The following DNAJC5B variants were observed in gnomAD, a reference collection of about 807,000 sequenced individuals.
DNAJC5B encodes the protein dnaJ homolog subfamily C member 5B.
DNAJC5B carries 23 observed loss-of-function variants against 24.7 expected under a neutral mutation model. That is an observed-to-expected ratio of 0.93 (90% CI 0.67 to 1.32). The LOEUF (loss-of-function observed/expected upper bound fraction) is 1.32, where lower values mean the gene tolerates loss of function less well. Among genes scored for constraint, DNAJC5B ranks in the 40% most tolerant of loss-of-function variants. The pLI, the probability that DNAJC5B is intolerant of heterozygous loss-of-function variation, is 0.00. For synonymous variants in DNAJC5B, 101 were observed against 90.1 expected, an observed-to-expected ratio of 1.12 and a Z score of -0.68; for missense variants, 238 against 240.8, an observed-to-expected ratio of 0.99 and a Z score of 0.08.
At chr8:66,021,330 A>G (rs1037508901), upstream of DNAJC5B, among the ~76,000 whole-genome samples, 2 of 152,136 alleles carry the variant, frequency 1.3e-5, no homozygotes, top group Non-Finnish European at 2.9e-5. Flanking sequence ...AGGTCAGTTT[A>G]TGACCTGCAA....
chr8:66,045,888 C>T (rs1441594787), intron 2 of DNAJC5B, among the ~76,000 whole-genome samples: 2 of 152,198 alleles, frequency 1.3e-5, no homozygotes, highest in Non-Finnish European at 2.9e-5. Flanking sequence ...TGAATGCTAA[C>T]GTTAGGCTGC....
chr8:66,040,371 A>G (rs1563589784), intron 1 of DNAJC5B, among the ~76,000 whole-genome samples: 1 of 147,650 alleles, frequency 6.8e-6, no homozygotes, highest in East Asian at 1.9e-4. Flanking sequence ...GCTTGGCAAC[A>G]GAGTGAGACT....
At chr8:66,037,803 G>A (rs185795200) in intron 1 of DNAJC5B, among the ~76,000 whole-genome samples, 18 of 152,358 alleles carry the variant, frequency 1.2e-4, no homozygotes, top group Middle Eastern at 3.4e-3. Context: ...TTGGCTGTTT[G>A]TATGAAAGAG....
rs1806190289 is a variant in DNAJC5B, at chr8:66,023,633, G to A, written c.-142+1928G>A. Among the ~76,000 whole-genome samples, 4 of 152,116 alleles carry A rather than the reference G, an allele frequency of 2.6e-5. No homozygotes were observed. The South Asian group carries it at 8.3e-4, about 32-fold the overall frequency. On this transcript the variant is annotated intron_variant, in intron 1 of 5. Transcript: ENST00000276570. ...ATACTTTGTTTATGAATGTGTGTGT[G>A]TATACCCTTGAATGTACAGATGAGT...
upstream of DNAJC5B, among the ~76,000 whole-genome samples, chr8:66,018,015 T>C (rs1039154425): frequency 3.3e-5 from 5 of 152,218 alleles, no homozygotes; most frequent in Admixed American, 6.5e-5. Flanking sequence ...TTGGAAATGC[T>C]TTTAGAGCGT....
At position 66,043,540 on chromosome 8, in the gene DNAJC5B, T is replaced by C. The variant is rs1246133196; in HGVS notation, c.-89T>C. 6.6e-6 allele frequency: 1 copy of C among 152,208 alleles called. No individual in the cohort carries two copies. Among genetic ancestry groups the C allele is most frequent in the Non-Finnish European group, 1.5e-5 (1 of 68,058 alleles). The allele number at this position is 152,208 out of a possible 1,614,324, so 9.4% of individuals were successfully genotyped here. Reference sequence around the variant, plus strand: ...ACAAATGAAAAGTAACCTGACTCTATTGACCTGCTTAACCCTGCATGGGGG... The same window carrying C: ...ACAAATGAAAAGTAACCTGACTCTACTGACCTGCTTAACCCTGCATGGGGG... On this transcript the variant is annotated 5_prime_UTR_variant, in exon 2 of 6. Coordinates refer to ENST00000276570, the MANE Select transcript of DNAJC5B (RefSeq NM_033105.6).
intron 5 of DNAJC5B, among the ~76,000 whole-genome samples, chr8:66,098,945 T>C (rs1808012520): frequency 6.6e-6 from 1 of 152,082 alleles, no homozygotes. Flanking sequence ...TATTGGATCT[T>C]AGCATGCATT....
At chr8:66,099,696 C>T (rs1808030946) in intron 5 of DNAJC5B, among the ~76,000 whole-genome samples, 1 of 152,180 alleles carries the variant, frequency 6.6e-6, no homozygotes, top group African/African-American at 2.4e-5. Flanking sequence ...TCAGCAAGTG[C>T]CCTCCAGGTG....
chr8:66,083,003 C>CTTTTTTTTTTTTTTTTTTTTTTTTT (rs765749597), intron 5 of DNAJC5B, among the ~76,000 whole-genome samples: 1 of 86,724 alleles, frequency 1.2e-5, no homozygotes, highest in African/African-American at 4.9e-5. Flanking sequence ...CTTTTCTTTT[C>CTTTTTTTTTTTTTTTTTTTTTTTTT]TTTTTTTTTT....
At chr8:66,059,874 G>A (rs551934120) in intron 3 of DNAJC5B, among the ~76,000 whole-genome samples, 183 of 152,322 alleles carry the variant, frequency 1.2e-3, no homozygotes, top group African/African-American at 4.1e-3. Flanking sequence ...CACCCTGCCA[G>A]GCACGGTAGG....
chr8:66,047,705 T>C (rs1296105939), intron 2 of DNAJC5B, among the ~76,000 whole-genome samples: 3 of 152,222 alleles, frequency 2.0e-5, no homozygotes, highest in Non-Finnish European at 4.4e-5. Flanking sequence ...TTATGGAACA[T>C]AGCCCTGTGC....
At chr8:66,039,313 A>G (rs995389756) in intron 1 of DNAJC5B, among the ~76,000 whole-genome samples, 1 of 151,218 alleles carries the variant, frequency 6.6e-6, no homozygotes, top group Non-Finnish European at 1.5e-5. Flanking sequence ...TTCCTCCTCT[A>G]GAAAATGAGT....
intron 3 of DNAJC5B, among the ~76,000 whole-genome samples, chr8:66,072,084 G>T (rs928170597): frequency 6.6e-6 from 1 of 151,996 alleles, no homozygotes; most frequent in Non-Finnish European, 1.5e-5. Flanking sequence ...AACATTAGGA[G>T]AAATGTTTAA....
At chr8:66,096,228 C>T in intron 5 of DNAJC5B, among the ~76,000 whole-genome samples, 1 of 152,156 alleles carries the variant, frequency 6.6e-6, no homozygotes, top group South Asian at 2.1e-4. Flanking sequence ...GTGTCCAAAT[C>T]TCTTCTTGTA....
chr8:66,043,118 C>T (rs557911502), intron 1 of DNAJC5B, among the ~76,000 whole-genome samples: 39 of 152,184 alleles, frequency 2.6e-4, no homozygotes, highest in Non-Finnish European at 5.1e-4. Context: ...CTTAACTAGG[C>T]GAGGGTTAAA....
At chr8:66,067,304 TA>T (rs928565519) in intron 3 of DNAJC5B, among the ~76,000 whole-genome samples, 1 of 151,744 alleles carries the variant, frequency 6.6e-6, no homozygotes. Context: ...AGCAGGACTT[TA>T]AAAAACAGCC....
At chr8:66,057,443 A>G (rs1806989998) in intron 3 of DNAJC5B, 1 of 152,230 alleles carries the variant, frequency 6.6e-6, no homozygotes, top group African/African-American at 2.4e-5. Flanking sequence ...GGACAATAAC[A>G]AAGATCCAAC....
intron 5 of DNAJC5B, among the ~76,000 whole-genome samples, chr8:66,082,902 A>AGCTCT (rs1466285069): frequency 1.3e-5 from 2 of 152,014 alleles, no homozygotes; most frequent in Admixed American, 1.3e-4. Context: ...TGTCTGGCAC[A>AGCTCT]GCTCTGCAAC....
At chr8:66,089,403 A>G (rs568813527) in intron 5 of DNAJC5B, among the ~76,000 whole-genome samples, 46 of 152,354 alleles carry the variant, frequency 3.0e-4, no homozygotes, top group African/African-American at 1.1e-3. Context: ...ACTTTTGAGT[A>G]CATGTTATAG....
Sources: allele counts gnomAD v4.1 joint callset (sites outside exome capture counted in the v4.1 genomes callset), GRCh38; gene constraint gnomAD v4.1.1; transcripts MANE v1.5; gene names NCBI Gene and HGNC (gene_info 2026-07-23, HGNC 2026-07-21).